The following ADGRL2 variants were observed in gnomAD, a reference collection of about 807,000 sequenced individuals.
ADGRL2 encodes calcium-independent alpha-latrotoxin receptor 2.
In ADGRL2, 44 loss-of-function variants were observed where a neutral mutation model predicts 157.4. That is an observed-to-expected ratio of 0.28 (90% CI 0.22 to 0.36). The LOEUF (loss-of-function observed/expected upper bound fraction) is 0.36. ADGRL2 is among the 10% of genes least tolerant of loss of function. The pLI is 1.00. For synonymous variants in ADGRL2, 585 were observed against 624.7 expected (o/e 0.94, Z 0.95); for missense variants, 1,510 against 1,768.9 (o/e 0.85, Z 2.63).
intron 3 of ADGRL2, among the ~76,000 whole-genome samples, chr1:81,640,382 C>A (rs894305075): frequency 5.9e-5 from 9 of 151,970 alleles, no homozygotes; most frequent in Non-Finnish European, 1.0e-4. Flanking sequence ...CACCTGTAAT[C>A]CCGGCACTTT....
At chr1:81,827,554 C>G (rs2091597272) in intron 1 of ADGRL2, among the ~76,000 whole-genome samples, 1 of 152,144 alleles carries the variant, frequency 6.6e-6, no homozygotes. Context: ...CTCTGTTATA[C>G]ACACACTGAA....
At chr1:81,547,179 G>C (rs1205033937) in intron 2 of ADGRL2, among the ~76,000 whole-genome samples, 1 of 152,152 alleles carries the variant, frequency 6.6e-6, no homozygotes. Context: ...ACTCAGAAAA[G>C]CTACCATACC....
chr1:81,628,205 A>C (rs555965575), intron 3 of ADGRL2, among the ~76,000 whole-genome samples: 1 of 152,326 alleles, frequency 6.6e-6, no homozygotes, highest in East Asian at 1.9e-4. Flanking sequence ...AAATAACATC[A>C]GTCACAAAAT....
intron 1 of ADGRL2, among the ~76,000 whole-genome samples, chr1:81,364,968 A>G (rs2076040786): frequency 6.6e-6 from 1 of 152,098 alleles, no homozygotes; most frequent in Admixed American, 6.5e-5. Flanking sequence ...CCAGCCGGTA[A>G]TTAATATTTT....
At chr1:81,899,811 C>A (rs1054383834) in intron 2 of ADGRL2, among the ~76,000 whole-genome samples, 10 of 152,026 alleles carry the variant, frequency 6.6e-5, no homozygotes, top group South Asian at 2.1e-4. Context: ...TTGAGGATTT[C>A]TTTATGTTGA....
intron 3 of ADGRL2, among the ~76,000 whole-genome samples, chr1:81,602,377 G>A (rs953691497): frequency 1.3e-5 from 2 of 151,994 alleles, no homozygotes; most frequent in African/African-American, 4.8e-5. Flanking sequence ...GGTAGATCAC[G>A]AGGTCAGGAG....
At chr1:81,448,076 C>T (rs570662103) in intron 2 of ADGRL2, among the ~76,000 whole-genome samples, 1 of 151,688 alleles carries the variant, frequency 6.6e-6, no homozygotes, top group African/African-American at 2.4e-5. Context: ...GCCATGCTTC[C>T]TGTACAGCCT....
At chr1:81,959,801 GTT>G in intron 11 of ADGRL2, among the ~76,000 whole-genome samples, 1 of 151,582 alleles carries the variant, frequency 6.6e-6, no homozygotes, top group Non-Finnish European at 1.5e-5. Flanking sequence ...TGTCAGTTGA[GTT>G]TTGTTTTTTT....
chr1:81,677,331 T>C (rs1182186017), intron 3 of ADGRL2, among the ~76,000 whole-genome samples: 1 of 152,202 alleles, frequency 6.6e-6, no homozygotes, highest in East Asian at 1.9e-4. Context: ...AAATCCCAAC[T>C]CCTTGTGATC....
intron 2 of ADGRL2, among the ~76,000 whole-genome samples, chr1:81,512,758 A>G (rs928983818): frequency 2.0e-5 from 3 of 152,148 alleles, no homozygotes; most frequent in Non-Finnish European, 4.4e-5. Context: ...ACCATTCAGT[A>G]ATACTGTTTT....
At chr1:81,388,018 T>C (rs1553160111) in intron 1 of ADGRL2, among the ~76,000 whole-genome samples, 1 of 152,140 alleles carries the variant, frequency 6.6e-6, no homozygotes, top group Non-Finnish European at 1.5e-5. Context: ...TCTGTTCATT[T>C]TCTGAAGTTT....
chr1:81,337,810 A>G (rs1661762322), intron 1 of ADGRL2, among the ~76,000 whole-genome samples: 1 of 152,176 alleles, frequency 6.6e-6, no homozygotes, highest in South Asian at 2.1e-4. Flanking sequence ...GATTGTATCA[A>G]CTAACCAGTT....
chr1:81,692,083 G>A (rs2083351805), intron 3 of ADGRL2, among the ~76,000 whole-genome samples: 1 of 151,312 alleles, frequency 6.6e-6, no homozygotes, highest in African/African-American at 2.4e-5. Context: ...TATACAGAAA[G>A]CAATTTTTCC....
At chr1:81,732,620 CTAGTT>C (rs1361340649) in intron 1 of ADGRL2, among the ~76,000 whole-genome samples, 3 of 152,174 alleles carry the variant, frequency 2.0e-5, no homozygotes, top group African/African-American at 7.2e-5. Flanking sequence ...AAATCATAAA[CTAGTT>C]TAAGAAGATA....
chr1:81,898,233 T>A (rs1461679617), intron 2 of ADGRL2, among the ~76,000 whole-genome samples: 1 of 152,230 alleles, frequency 6.6e-6, no homozygotes, highest in Admixed American at 6.5e-5. Context: ...GAACACTTTC[T>A]TTTGCAACAG....
chr1:81,489,257 A>C (rs890110127), intron 2 of ADGRL2, among the ~76,000 whole-genome samples: 6 of 152,016 alleles, frequency 3.9e-5, no homozygotes, highest in African/African-American at 1.4e-4. Context: ...TTAATAATAA[A>C]ATAAAATAGA....
At chr1:81,470,420 C>T (rs888855439) in intron 2 of ADGRL2, among the ~76,000 whole-genome samples, 5 of 152,264 alleles carry the variant, frequency 3.3e-5, no homozygotes, top group Non-Finnish European at 5.9e-5. Flanking sequence ...CAACTGCTCC[C>T]TGTACCCAGC....
rs778565402 is a variant in ADGRL2 at position 81,966,104 on chromosome 1, T to C, written c.2064T>C (p.Phe688=). ...VLSTEGQIQD[F]KFPLGIKGAG... Reference sequence around the variant, plus strand: ...GTACAGAAGGACAGATCCAAGACTTTAAATTTCCTCTGGGCATCAAAGGAG... The same window carrying C: ...GTACAGAAGGACAGATCCAAGACTTCAAATTTCCTCTGGGCATCAAAGGAG... Residue 688 remains phenylalanine (F), a synonymous_variant, in exon 12 of 24, where the codon TTT becomes TTC. Transcript: ENST00000686636. 1 of 1,614,054 alleles carries C rather than the reference T, an allele frequency of 6.2e-7. No homozygotes were observed. The highest frequency in any genetic ancestry group is 8.5e-7 in the Non-Finnish European group (1 of 1,179,948).
chr1:81,834,380 G>A (rs1451321104), intron 1 of ADGRL2, among the ~76,000 whole-genome samples: 4 of 152,134 alleles, frequency 2.6e-5, no homozygotes, highest in Non-Finnish European at 5.9e-5. Context: ...TGCAGTTACA[G>A]AATTTGAAGG....
Sources: gnomAD v4.1 joint callset for allele counts (sites outside exome capture counted in the v4.1 genomes callset) on GRCh38, gnomAD v4.1.1 for gene constraint, MANE v1.5 for transcripts, NCBI Gene and HGNC (gene_info 2026-07-23, HGNC 2026-07-21) for gene names.